PFKM: variants seen among roughly 807,000 people sequenced by gnomAD.
PFKM encodes ATP-dependent 6-phosphofructokinase, muscle type.
A neutral mutation model predicts 95.5 loss-of-function variants in PFKM; 58 were observed. That is an observed-to-expected ratio of 0.61 (90% CI 0.49 to 0.76). The LOEUF (loss-of-function observed/expected upper bound fraction) is 0.76, where lower values mean the gene tolerates loss of function less well. PFKM is among the 30% of genes least tolerant of loss of function. The pLI, the probability that PFKM is intolerant of heterozygous loss-of-function variation, is 0.00. For missense variants in PFKM, 678 were observed against 1,005.4 expected (o/e 0.67, Z 4.40); for synonymous variants, 336 against 357.2 (o/e 0.94, Z 0.67).
upstream of PFKM, chr12:48,105,888 G>A: frequency 1.6e-6 from 1 of 618,172 alleles, no homozygotes; most frequent in South Asian, 1.9e-5. Flanking sequence ...AGGGGGCGGG[G>A]CAGAGGAAAA....
In PFKM at chr12:48,145,381, C is replaced by T; in HGVS notation, c.2198+66C>T. 1 of 1,404,190 alleles carries T rather than the reference C, an allele frequency of 7.1e-7. No homozygotes were observed. The highest frequency in any genetic ancestry group is 1.0e-6 in the Non-Finnish European group (1 of 991,556). 87.0% of individuals were successfully genotyped at this position (1,404,190 alleles called of 1,614,324 possible). ...AGTTTCAAGCTCTACTGTCCTCAAC[C>T]TGTTCACTGTCTTTAATTCTTTTTT... On this transcript the variant is annotated intron_variant, in intron 22 of 22. Coordinates refer to ENST00000359794, the MANE Select transcript of PFKM (RefSeq NM_000289.6). This position sits in a 1 kb window ranked among gnomAD's most constrained non-coding sequence, Gnocchi z 4.3.
At position 48,142,921 on chromosome 12, in the gene PFKM, A is replaced by C; in HGVS notation, c.1793A>C (p.Glu598Ala). Residue 598 changes from glutamate (E) to alanine (A), a missense_variant, in exon 18 of 23, where the codon GAG becomes GCG. By Grantham distance (107) the Glu-to-Ala change is moderately radical. Coordinates refer to ENST00000359794, the MANE Select transcript of PFKM (RefSeq NM_000289.6). ...AGADAAYIFEEPFTIRDLQAN... is the reference protein window; with the variant it reads ...AGADAAYIFEAPFTIRDLQAN... ...GCCGATGCTGCCTACATTTTTGAGG[A>C]GCCCTTCACCATTCGAGACCTGCAG... The C allele has an allele frequency of 2.5e-6, 4 of 1,614,004 alleles. No individual in the cohort carries two copies. Among genetic ancestry groups the C allele is most frequent in the Non-Finnish European group, 3.4e-6 (4 of 1,180,002 alleles).
upstream of PFKM, among the ~76,000 whole-genome samples, chr12:48,115,697 T>C (rs575895194): frequency 1.3e-5 from 2 of 152,316 alleles, no homozygotes; most frequent in South Asian, 2.1e-4. Flanking sequence ...CTTGGGCACA[T>C]GTTCTCAGGA....
chr12:48,135,188 C>A, intron 9 of PFKM, 103 bp from the exon 10 acceptor site: 2 of 1,193,146 alleles, frequency 1.7e-6, no homozygotes, highest in Non-Finnish European at 2.5e-6. Context: ...AGAACCATTA[C>A]AAGACAAGAG....
At chr12:48,108,178 A>T in exon 3 of PFKM, 1 of 1,598,262 alleles carries the variant, frequency 6.3e-7, no homozygotes, top group Non-Finnish European at 8.5e-7. Context: ...TGGGAAGCAT[A>T]CCTGTTTTCA....
At position 48,133,802 on chromosome 12, in the gene PFKM, A is replaced by G. The variant is rs141923662; in HGVS notation, c.593+322A>G. Among the ~76,000 whole-genome samples, 15 of 152,294 alleles carry G rather than the reference A, an allele frequency of 9.8e-5. No homozygotes were observed. The East Asian group carries it at 2.5e-3, about 25-fold the overall frequency. ...GCCCAGACATGAGCTACGCTTTCCAACCATATCATAGAAAGTATAGGTGCT... is the reference window on the plus strand; with the variant it reads ...GCCCAGACATGAGCTACGCTTTCCAGCCATATCATAGAAAGTATAGGTGCT... On this transcript the variant is annotated intron_variant, in intron 6 of 22. Coordinates refer to ENST00000359794, the MANE Select transcript of PFKM (RefSeq NM_000289.6).
rs886049454 is a variant in PFKM at position 48,140,772 on chromosome 12, C to G, written c.1242C>G (p.Gly414=). 13 of 1,614,016 alleles carry G rather than the reference C, an allele frequency of 8.1e-6. No individual in the cohort carries two copies. The highest frequency in any genetic ancestry group is 9.3e-6 in the Non-Finnish European group (11 of 1,179,966). The change falls in exon 14 of 23, where the codon GGC becomes GGG. Residue 414 remains glycine (G), a synonymous_variant. Transcript: ENST00000359794. ...TGAACGTGGGGGCTCCGGCTGCAGG[C>G]ATGAATGCTGCTGTTCGCTCCACTG... ...AVMNVGAPAA[G]MNAAVRSTVR...
chr12:48,118,529 G>A (rs1232056832), upstream of PFKM: 9 of 1,526,234 alleles, frequency 5.9e-6, no homozygotes, highest in African/African-American at 6.9e-5. Flanking sequence ...GAGGGCAGTG[G>A]TAAAAGCAAG....
upstream of PFKM, among the ~76,000 whole-genome samples, chr12:48,115,509 A>G (rs1373592322): frequency 6.6e-6 from 1 of 152,234 alleles, no homozygotes; most frequent in Non-Finnish European, 1.5e-5. Flanking sequence ...GGAGATTACA[A>G]AGTACATTGA....
chr12:48,107,447 A>G (rs772071909), exon 2 of PFKM: 6 of 1,590,804 alleles, frequency 3.8e-6, no homozygotes, highest in Admixed American at 3.3e-5. Flanking sequence ...AGGACTCCTC[A>G]GAGAACAGGT....
chr12:48,134,058 G>GA (rs1483389590), intron 6 of PFKM, among the ~76,000 whole-genome samples, 174 bp from the exon 7 acceptor site: 1 of 152,102 alleles, frequency 6.6e-6, no homozygotes, highest in African/African-American at 2.4e-5. Context: ...GGCCTAGGAA[G>GA]GATACCTTGT....
At chr12:48,108,287 T>C in intron 3 of PFKM, 2 of 1,150,768 alleles carry the variant, frequency 1.7e-6, no homozygotes, top group Non-Finnish European at 2.4e-6. Flanking sequence ...GTAGACCTAC[T>C]AAAGCTGAAA....
upstream of PFKM, among the ~76,000 whole-genome samples, chr12:48,118,018 G>A (rs998794595): frequency 9.2e-5 from 14 of 152,214 alleles, no homozygotes; most frequent in African/African-American, 2.9e-4. Context: ...AGCAATCTGT[G>A]AGGACCAAGG....
At position 48,145,758 on chromosome 12, in the gene PFKM, C is replaced by T. The variant is rs1250766239; in HGVS notation, c.*50C>T. On this transcript the variant is annotated 3_prime_UTR_variant, in exon 23 of 23. Coordinates refer to ENST00000359794, the MANE Select transcript of PFKM (RefSeq NM_000289.6). The surrounding 1 kb of genome is among the most constrained non-coding windows in gnomAD (Gnocchi z 4.3). The stretch of plus-strand genomic sequence containing the variant: ...ATTACCTGATCATGGTCAGCTCACA[C>T]CCTAATAAGTCCACATCTTCTCAGT... 7 of 1,572,918 alleles carry T rather than the reference C, an allele frequency of 4.5e-6. No individual in the cohort carries two copies. The highest frequency in any genetic ancestry group is 6.1e-6 in the Non-Finnish European group (7 of 1,142,712).
chr12:48,126,712 A>G (rs1014832345), intron 2 of PFKM, among the ~76,000 whole-genome samples: 1 of 152,112 alleles, frequency 6.6e-6, no homozygotes, highest in Non-Finnish European at 1.5e-5. Flanking sequence ...TTTCAGAACA[A>G]TTTTTTCCCT....
At chr12:48,122,676 A>G in intron 1 of PFKM, 91 bp from the exon 2 acceptor site, 1 of 1,588,248 alleles carries the variant, frequency 6.3e-7, no homozygotes, top group Non-Finnish European at 8.6e-7. Context: ...AGCCTGACTG[A>G]GGTGGCTCTA....
intron 2 of PFKM, among the ~76,000 whole-genome samples, chr12:48,124,945 G>GT (rs922156019): frequency 5.3e-5 from 8 of 152,018 alleles, no homozygotes; most frequent in East Asian, 1.9e-4. Flanking sequence ...GTTTTGTTTT[G>GT]TTTTTTTTCC....
At chr12:48,133,622 G>A (rs1425565796) in intron 6 of PFKM, 142 bp downstream of exon 6, 14 of 721,682 alleles carry the variant, frequency 1.9e-5, no homozygotes, top group African/African-American at 1.6e-4. Context: ...TATTTTTAAC[G>A]AAAAATTATC....
intron 7 of PFKM, among the ~76,000 whole-genome samples, 169 bp downstream of exon 7, chr12:48,134,445 A>G (rs777305993): frequency 1.3e-5 from 2 of 152,144 alleles, no homozygotes; most frequent in Non-Finnish European, 2.9e-5. Flanking sequence ...ATCCCCACAC[A>G]TGCATGTGTG....
Sources: allele counts gnomAD v4.1 joint callset (sites outside exome capture counted in the v4.1 genomes callset), GRCh38; gene constraint gnomAD v4.1.1; non-coding constraint Gnocchi (gnomAD v3.1); transcripts MANE v1.5; gene names NCBI Gene and HGNC (gene_info 2026-07-23, HGNC 2026-07-21).